The following MPDZ variants were observed in gnomAD, a reference collection of about 807,000 sequenced individuals.
MPDZ encodes the protein multiple PDZ domain protein.
A neutral mutation model predicts 239.1 loss-of-function variants in MPDZ; 234 were observed. The observed-to-expected ratio is 0.98, with a 90% CI of 0.88 to 1.09. MPDZ has a LOEUF of 1.09. Among genes scored for constraint, MPDZ ranks in the 50% least tolerant of loss-of-function variants. MPDZ has a pLI of 0.00. For missense variants in MPDZ, 3,175 were observed against 2,510.0 expected, an observed-to-expected ratio of 1.26 and a Z score of -5.66; for synonymous variants, 1,048 against 881.3, an observed-to-expected ratio of 1.19 and a Z score of -3.35.
intron 10 of MPDZ, among the ~76,000 whole-genome samples, chr9:13,216,345 G>A (rs1401304820): frequency 2.0e-5 from 3 of 147,882 alleles, no homozygotes; most frequent in Non-Finnish European, 3.0e-5. Context: ...AAGCAGCCGC[G>A]GCCATAAAGC....
intron 10 of MPDZ, among the ~76,000 whole-genome samples, chr9:13,215,763 T>TG (rs1052247488): frequency 6.5e-5 from 9 of 137,572 alleles, no homozygotes; most frequent in African/African-American, 2.1e-4. Flanking sequence ...GTTTTTTTTT[T>TG]TTTTTTTTTT....
rs970192192 is a variant in MPDZ, at chr9:13,115,386, T to C, written c.5380-52A>G. On this transcript the variant is annotated intron_variant, in intron 39 of 46. Coordinates refer to ENST00000319217, the MANE Select transcript of MPDZ (RefSeq NM_001378778.1). Reference sequence around the variant, plus strand: ...ATGGAAATGTTTAAATAAAATGCTATAATCATCTTTAGGAATACATTTTAC... The same window carrying C: ...ATGGAAATGTTTAAATAAAATGCTACAATCATCTTTAGGAATACATTTTAC... 7.8e-6 allele frequency: 11 copies of C among 1,409,190 alleles called. No individual in the cohort carries two copies. The African/African-American group carries it at 1.1e-4, about 14-fold the overall frequency. The allele number at this position is 1,409,190 out of a possible 1,614,324, so 87.3% of individuals were successfully genotyped here.
intron 22 of MPDZ, among the ~76,000 whole-genome samples, chr9:13,164,134 T>A (rs1157137664): frequency 6.6e-6 from 1 of 152,176 alleles, no homozygotes. Context: ...TTGGGCAGAA[T>A]ACATGGGGCC....
At chr9:13,219,524 T>C (rs1327053288) in intron 8 of MPDZ, 35 bp downstream of exon 8, 1 of 1,578,774 alleles carries the variant, frequency 6.3e-7, no homozygotes. Context: ...GTGTTATTTC[T>C]CTGACTTTCA....
chr9:13,211,031 G>A (rs992808178), intron 10 of MPDZ, among the ~76,000 whole-genome samples: 1 of 152,034 alleles, frequency 6.6e-6, no homozygotes, highest in Non-Finnish European at 1.5e-5. Context: ...AATTAGGTGG[G>A]GAGAGACAGA....
intron 22 of MPDZ, among the ~76,000 whole-genome samples, chr9:13,166,004 A>G (rs7871188): frequency 0.015 from 2,345 of 152,264 alleles, 67 homozygotes; most frequent in African/African-American, 0.054. Flanking sequence ...GCATTCTCTC[A>G]ATAAGCAATG....
At chr9:13,194,631 G>A (rs191203617) in intron 13 of MPDZ, among the ~76,000 whole-genome samples, 72 of 152,048 alleles carry the variant, frequency 4.7e-4, no homozygotes, top group African/African-American at 1.6e-3. Flanking sequence ...GTTGACAGGT[G>A]CAGCAAACCA....
intron 3 of MPDZ, among the ~76,000 whole-genome samples, chr9:13,232,804 A>G (rs1962882132): frequency 6.6e-6 from 1 of 151,488 alleles, no homozygotes; most frequent in Non-Finnish European, 1.5e-5. Context: ...TATTCAGGAA[A>G]TATAAAGAAC....
At chr9:13,220,325 G>C (rs978374446) in intron 7 of MPDZ, among the ~76,000 whole-genome samples, 1 of 151,968 alleles carries the variant, frequency 6.6e-6, no homozygotes, top group Non-Finnish European at 1.5e-5. Flanking sequence ...TACACATGCA[G>C]TCCATTAACT....
chr9:13,192,602 G>A (rs1005052325), intron 14 of MPDZ, among the ~76,000 whole-genome samples: 2 of 151,832 alleles, frequency 1.3e-5, no homozygotes, highest in Non-Finnish European at 2.9e-5. Context: ...AGGACAAGGA[G>A]AAGAATAGTA....
At chr9:13,147,762 C>A (rs531528121) in intron 25 of MPDZ, 104 bp from the exon 26 acceptor site, 1 of 774,700 alleles carries the variant, frequency 1.3e-6, no homozygotes, top group South Asian at 1.8e-5. Flanking sequence ...CCTAGAAAAT[C>A]TGTTTTAATA....
chr9:13,154,606 A>G (rs1302927878), intron 24 of MPDZ, among the ~76,000 whole-genome samples: 1 of 152,188 alleles, frequency 6.6e-6, no homozygotes, highest in Non-Finnish European at 1.5e-5. Context: ...GGTCCAAAAC[A>G]AAAGCTTTGG....
intron 38 of MPDZ, 152 bp from the exon 39 acceptor site, chr9:13,119,801 A>G (rs1586936873): frequency 1.3e-6 from 1 of 771,672 alleles, no homozygotes; most frequent in African/African-American, 1.8e-5. Flanking sequence ...CAACATTAGA[A>G]TTATATTTTT....
chr9:13,241,159 A>C (rs1030338955), intron 3 of MPDZ, among the ~76,000 whole-genome samples: 4 of 152,210 alleles, frequency 2.6e-5, no homozygotes, highest in Non-Finnish European at 4.4e-5. Flanking sequence ...AAAATAAAGT[A>C]TTTGAAATTC....
chr9:13,226,689 T>C (rs1452672115), intron 3 of MPDZ, among the ~76,000 whole-genome samples: 1 of 145,598 alleles, frequency 6.9e-6, no homozygotes, highest in Non-Finnish European at 1.5e-5. Context: ...CATTACCACC[T>C]GATCCACACC....
chr9:13,113,311 G>C (rs1942818972), intron 41 of MPDZ, among the ~76,000 whole-genome samples: 1 of 151,878 alleles, frequency 6.6e-6, no homozygotes. Context: ...AATCCACTTT[G>C]AATGAGTCAA....
rs117458913 is a variant in MPDZ at position 13,211,984 on chromosome 9, T to C, written c.1290+4790A>G. Among the ~76,000 whole-genome samples, 300 of 152,132 alleles carry C rather than the reference T, an allele frequency of 2.0e-3. 2 individuals are homozygous for C. Among genetic ancestry groups the C allele is most frequent in the Non-Finnish European group, 3.1e-3 (212 of 67,948 alleles). On this transcript the variant is annotated intron_variant, in intron 10 of 46. Transcript: ENST00000319217. ...AACATGTTATTTACTCTCACAGTAA[T>C]AAAGGAAAAAAATGGCAAAAATCTC...
rs117482331 is a variant in MPDZ, at chr9:13,158,510, C to T, written c.3360-400G>A. Among the ~76,000 whole-genome samples the T allele has an allele frequency of 1.6e-3, 236 of 152,252 alleles. 5 individuals carry two copies. In the East Asian group the frequency reaches 0.039, roughly 25 times the overall value. Reference sequence around the variant, plus strand: ...ACCATGTAGGTTTTAAGCATGTATGCACAGCCCTGAACCTTGTCCTGAATG... The same window carrying T: ...ACCATGTAGGTTTTAAGCATGTATGTACAGCCCTGAACCTTGTCCTGAATG... On this transcript the variant is annotated intron_variant, in intron 23 of 46. Coordinates refer to ENST00000319217, the MANE Select transcript of MPDZ (RefSeq NM_001378778.1).
At chr9:13,261,869 A>C (rs998695110) in intron 1 of MPDZ, among the ~76,000 whole-genome samples, 1 of 260 alleles carries the variant, frequency 3.8e-3, no homozygotes, top group Non-Finnish European at 0.05. Context: ...TGTCTCTACA[A>C]AAAAAAAAAA....
Sources: gnomAD v4.1 joint callset for allele counts (sites outside exome capture counted in the v4.1 genomes callset) on GRCh38, gnomAD v4.1.1 for gene constraint, MANE v1.5 for transcripts, NCBI Gene and HGNC (gene_info 2026-07-23, HGNC 2026-07-21) for gene names.